ERICH6B: variants seen among roughly 807,000 people sequenced by gnomAD.
The protein encoded by ERICH6B is glutamate-rich protein 6B.
Under a neutral mutation model 80.0 loss-of-function variants are expected in ERICH6B, and 69 were observed. That is an observed-to-expected ratio of 0.86 (90% CI 0.71 to 1.05). The LOEUF (loss-of-function observed/expected upper bound fraction) is 1.05. Ranked by LOEUF, ERICH6B falls within the 50% of genes least tolerant of loss-of-function variation. ERICH6B has a pLI of 0.00. For synonymous variants in ERICH6B, 283 were observed against 291.9 expected, an observed-to-expected ratio of 0.97 and a Z score of 0.31; for missense variants, 754 against 796.1, an observed-to-expected ratio of 0.95 and a Z score of 0.64.
intron 13 of ERICH6B, among the ~76,000 whole-genome samples, chr13:45,547,876 TA>T (rs1395014189): frequency 6.6e-6 from 1 of 152,186 alleles, no homozygotes; most frequent in Non-Finnish European, 1.5e-5. Context: ...CCCCACTCCC[TA>T]GTGTTAGAGA....
At chr13:45,583,983 C>T (rs967210649) in intron 5 of ERICH6B, among the ~76,000 whole-genome samples, 11 of 152,190 alleles carry the variant, frequency 7.2e-5, no homozygotes, top group African/African-American at 1.7e-4. Flanking sequence ...TCTATGTGTA[C>T]GTAGTTCTAT....
intron 10 of ERICH6B, 50 bp from the exon 11 acceptor site, chr13:45,561,576 G>C (rs1418480560): frequency 1.3e-6 from 2 of 1,537,894 alleles, no homozygotes; most frequent in African/African-American, 2.8e-5. Flanking sequence ...GTGGGAAAGA[G>C]AAAGGAAACT....
chr13:45,573,947 C>T (rs925963717), intron 8 of ERICH6B, among the ~76,000 whole-genome samples: 1 of 151,856 alleles, frequency 6.6e-6, no homozygotes, highest in Non-Finnish European at 1.5e-5. Context: ...CATTTTTTTT[C>T]CTCCCTTCAT....
Position 45,563,889 on chromosome 13 carries a change from C to T in ERICH6B, c.1188-101G>A, listed in dbSNP as rs369781347. On this transcript the variant is annotated intron_variant, in intron 9 of 14. Coordinates refer to ENST00000298738, the MANE Select transcript of ERICH6B (RefSeq NM_182542.3). ...GTACTGGAGCCTGCAGAGTCTCTTT[C>T]GCAGGTGGAAATGGGGCCAATGGCT... The T allele has an allele frequency of 9.5e-4, 961 of 1,008,228 alleles. 5 individuals are homozygous for T. Among genetic ancestry groups the T allele is most frequent in the African/African-American group, 5.6e-3 (347 of 61,548 alleles). 62.5% of individuals were successfully genotyped at this position (1,008,228 alleles called of 1,614,324 possible).
intron 1 of ERICH6B, among the ~76,000 whole-genome samples, chr13:45,612,698 T>C (rs1949906671): frequency 1.3e-5 from 2 of 152,176 alleles, no homozygotes; most frequent in South Asian, 4.1e-4. Context: ...CTGACCTCCC[T>C]AAAGAATCAA....
chr13:45,588,891 T>C (rs1031376641), intron 4 of ERICH6B, among the ~76,000 whole-genome samples: 3 of 152,102 alleles, frequency 2.0e-5, no homozygotes, highest in Admixed American at 6.5e-5. Flanking sequence ...GGATCCTGGA[T>C]GCTGGGGAGT....
Position 45,561,540 on chromosome 13 carries a change from C to T in ERICH6B, c.1250-14G>A. 6.5e-7 allele frequency: 1 copy of T among 1,550,318 alleles called. No homozygotes were observed. The highest frequency in any genetic ancestry group is 1.4e-5 in the African/African-American group (1 of 73,022). On this transcript the variant is annotated splice_polypyrimidine_tract_variant and intron_variant, in intron 10 of 14. Coordinates refer to ENST00000298738, the MANE Select transcript of ERICH6B (RefSeq NM_182542.3). ...TTAACTTTTGAGCTGCCATTCAATT[C>T]AACGATTGCATTGAATAAGATTTTG...
At position 45,596,777 on chromosome 13, in the gene ERICH6B, C is replaced by G. The variant is rs1876408004; in HGVS notation, c.229G>C (p.Glu77Gln). ...TACTCTTCCTCCTTCAAGTATTCTT[C>G]TTTCCCCAGATACTCTTCCTCTTCC... Reference protein sequence around the residue: ...DLEEEEYLGKEEYLKEEEYLG... With the variant: ...DLEEEEYLGKQEYLKEEEYLG... Residue 77 changes from glutamate (E) to glutamine (Q), a missense_variant, in exon 3 of 15, where the codon GAA (glutamate) becomes CAA (glutamine). Coordinates refer to ENST00000298738, the MANE Select transcript of ERICH6B (RefSeq NM_182542.3). 2.4e-5 allele frequency: 38 copies of G among 1,551,562 alleles called. No individual in the cohort carries two copies. The highest frequency in any genetic ancestry group is 3.3e-5 in the Non-Finnish European group (38 of 1,146,976).
chr13:45,592,270 TG>T (rs1480141436), intron 3 of ERICH6B, among the ~76,000 whole-genome samples: 1 of 152,240 alleles, frequency 6.6e-6, no homozygotes, highest in Non-Finnish European at 1.5e-5. Context: ...TCTGTTCTTT[TG>T]GGAGCACATT....
chr13:45,550,384 G>T (rs749477058), intron 11 of ERICH6B, 68 bp from the exon 12 acceptor site: 5 of 1,317,010 alleles, frequency 3.8e-6, no homozygotes, highest in Non-Finnish European at 5.3e-6. Context: ...CTACTGCAGA[G>T]CACGGTGTGG....
intron 1 of ERICH6B, among the ~76,000 whole-genome samples, chr13:45,613,037 A>C (rs1468812630): frequency 6.6e-6 from 1 of 151,984 alleles, no homozygotes; most frequent in Non-Finnish European, 1.5e-5. Context: ...TGGTGTCAGG[A>C]GTTTGCAAGT....
chr13:45,591,952 G>A (rs3014934), intron 3 of ERICH6B, among the ~76,000 whole-genome samples: 68,995 of 151,988 alleles, frequency 0.45, 16,212 homozygotes, highest in Non-Finnish European at 0.51. Flanking sequence ...TAAAATAGGT[G>A]CACAACTTAT....
chr13:45,613,875 G>C (rs1220644708), intron 1 of ERICH6B, among the ~76,000 whole-genome samples: 1 of 152,174 alleles, frequency 6.6e-6, no homozygotes, highest in Non-Finnish European at 1.5e-5. Context: ...AAACCACTAA[G>C]GTCTAGGAGG....
At chr13:45,548,529 A>G (rs185135719) in intron 13 of ERICH6B, among the ~76,000 whole-genome samples, 1 of 152,136 alleles carries the variant, frequency 6.6e-6, no homozygotes, top group Admixed American at 6.5e-5. Flanking sequence ...ATTCACAGAG[A>G]GAGGGAGAGA....
At chr13:45,553,434 G>A (rs972757422) in intron 11 of ERICH6B, among the ~76,000 whole-genome samples, 3 of 152,166 alleles carry the variant, frequency 2.0e-5, no homozygotes, top group Non-Finnish European at 4.4e-5. Context: ...AACATTTAAG[G>A]TGATAAGAGA....
intron 11 of ERICH6B, among the ~76,000 whole-genome samples, chr13:45,558,742 T>C (rs945994163): frequency 1.3e-5 from 2 of 152,242 alleles, no homozygotes; most frequent in Admixed American, 6.5e-5. Context: ...ATTTATTGAC[T>C]TGGATATGGT....
At chr13:45,606,306 G>C (rs1462775655) in intron 2 of ERICH6B, among the ~76,000 whole-genome samples, 3 of 151,570 alleles carry the variant, frequency 2.0e-5, no homozygotes, top group Non-Finnish European at 2.9e-5. Context: ...TGTTATAACA[G>C]ATGTCATATT....
At chr13:45,589,524 C>A (rs1346526812) in intron 4 of ERICH6B, among the ~76,000 whole-genome samples, 2 of 152,162 alleles carry the variant, frequency 1.3e-5, no homozygotes, top group Non-Finnish European at 2.9e-5. Context: ...ACATTTCATC[C>A]TCACCAAAAC....
rs1330997684 is a variant in ERICH6B at position 45,587,089 on chromosome 13, G to C, written c.830C>G (p.Thr277Arg). ...TLYRRSQASQTDWCYDRTAVK... is the reference protein window; with the variant it reads ...TLYRRSQASQRDWCYDRTAVK... ...GGCAGTTCTGTCGTAGCACCAGTCTGTCTGACTGGCCTGGCTCCTCCTGTA... is the reference window on the plus strand; with the variant it reads ...GGCAGTTCTGTCGTAGCACCAGTCTCTCTGACTGGCCTGGCTCCTCCTGTA... Residue 277 changes from threonine (T) to arginine (R), a missense_variant, in exon 5 of 15, where the codon ACA becomes AGA. Physicochemically the swap from Thr to Arg is moderately conservative, Grantham distance 71. Transcript: ENST00000298738. The C allele has an allele frequency of 6.4e-7, 1 of 1,551,716 alleles. No homozygotes were observed. The highest frequency in any genetic ancestry group is 8.7e-7 in the Non-Finnish European group (1 of 1,146,992).
Sources: gnomAD v4.1 joint callset for allele counts (sites outside exome capture counted in the v4.1 genomes callset) on GRCh38, gnomAD v4.1.1 for gene constraint, MANE v1.5 for transcripts, NCBI Gene and HGNC (gene_info 2026-07-23, HGNC 2026-07-21) for gene names.